Variants in KCNQ3 observed in about 807,000 individuals in gnomAD.
The protein encoded by KCNQ3 is potassium voltage-gated channel subfamily KQT member 3.
Under a neutral mutation model 92.5 loss-of-function variants are expected in KCNQ3, and 30 were observed. The ratio of observed to expected loss-of-function variants is 0.32; its 90% CI spans 0.24 to 0.44. The LOEUF (loss-of-function observed/expected upper bound fraction) is 0.44, where lower values mean the gene tolerates loss of function less well. Ranked by LOEUF, KCNQ3 falls within the 20% of genes least tolerant of loss-of-function variation. The pLI is 1.00. For missense variants in KCNQ3, 913 were observed against 1,140.3 expected (o/e 0.80, Z 2.87); for synonymous variants, 450 against 468.8 (o/e 0.96, Z 0.52).
At chr8:132,308,664 G>T (rs912978173) in intron 1 of KCNQ3, among the ~76,000 whole-genome samples, 4 of 152,138 alleles carry the variant, frequency 2.6e-5, no homozygotes, top group African/African-American at 9.7e-5. Flanking sequence ...AACCACAAAG[G>T]GTAAGACTTG....
intron 1 of KCNQ3, among the ~76,000 whole-genome samples, chr8:132,281,165 A>G (rs1816500215): frequency 1.3e-5 from 2 of 152,164 alleles, no homozygotes; most frequent in South Asian, 4.1e-4. Context: ...TCCTGGACCA[A>G]TTTGGAAACA....
rs540461298 is a variant in KCNQ3, at chr8:132,214,615, T to C, written c.387-28434A>G. 1.3e-4 allele frequency among the ~76,000 whole-genome samples: 20 copies of C among 152,060 alleles called. No homozygotes were observed. In the South Asian group the frequency reaches 4.0e-3, roughly 30 times the overall value. ...ATTGGTAGCACTTGCAAAGCACAGA[T>C]TTAGGAGAATTCCTTTTTCAAAGCG... On this transcript the variant is annotated intron_variant, in intron 1 of 14. Coordinates refer to ENST00000388996, the MANE Select transcript of KCNQ3 (RefSeq NM_004519.4).
At chr8:132,132,339 C>A in intron 13 of KCNQ3, 75 bp from the exon 14 acceptor site, 1 of 1,130,446 alleles carries the variant, frequency 8.8e-7, no homozygotes, top group Non-Finnish European at 1.3e-6. Context: ...GCTAGGCAGG[C>A]CATGGCCAAC....
rs1194091911 is a variant in KCNQ3 at position 132,480,786 on chromosome 8, G to A, written c.-254C>T. 1.1e-5 allele frequency: 2 copies of A among 185,528 alleles called. No homozygotes were observed. The highest frequency in any genetic ancestry group is 6.5e-5 in the Admixed American group (1 of 15,296). The allele number at this position is 185,528 out of a possible 1,614,324, so 11.5% of individuals were successfully genotyped here. On this transcript the variant is annotated 5_prime_UTR_variant, in exon 1 of 15. Transcript: ENST00000388996. The stretch of plus-strand genomic sequence containing the variant: ...CGCAGGACCCCGAGGGTCGCGGGCC[G>A]GGGGCTGCGGAGAAGCTGGGAGGGC...
At chr8:132,253,764 C>A (rs1237949759) in intron 1 of KCNQ3, among the ~76,000 whole-genome samples, 3 of 152,248 alleles carry the variant, frequency 2.0e-5, no homozygotes, top group African/African-American at 7.2e-5. Flanking sequence ...ACTAATAGCA[C>A]ACAGCACTCA....
intron 1 of KCNQ3, among the ~76,000 whole-genome samples, chr8:132,477,055 T>G (rs535048346): frequency 4.6e-5 from 7 of 152,148 alleles, no homozygotes; most frequent in Admixed American, 4.6e-4. Context: ...CCTGCCACCA[T>G]GTAAGATGTG....
intron 1 of KCNQ3, chr8:132,186,662 C>A: frequency 3.4e-6 from 1 of 297,206 alleles, no homozygotes. Flanking sequence ...CTTCTGTGAC[C>A]AAGTATGAAT....
At chr8:132,250,879 G>T (rs765986154) in intron 1 of KCNQ3, among the ~76,000 whole-genome samples, 1 of 152,198 alleles carries the variant, frequency 6.6e-6, no homozygotes, top group Non-Finnish European at 1.5e-5. Flanking sequence ...AAACTGTATT[G>T]AGGAAGGATT....
intron 1 of KCNQ3, among the ~76,000 whole-genome samples, chr8:132,362,248 G>A (rs1349422005): frequency 6.6e-6 from 1 of 152,018 alleles, no homozygotes; most frequent in Non-Finnish European, 1.5e-5. Flanking sequence ...AACTCAAAAT[G>A]TAACCTTTCT....
chr8:132,313,015 T>C (rs1817639583), intron 1 of KCNQ3, among the ~76,000 whole-genome samples: 1 of 152,232 alleles, frequency 6.6e-6, no homozygotes, highest in Non-Finnish European at 1.5e-5. Flanking sequence ...CTCAGCATTA[T>C]GCACATCAAC....
chr8:132,450,914 GA>G (rs1821804806), intron 1 of KCNQ3, among the ~76,000 whole-genome samples: 1 of 152,248 alleles, frequency 6.6e-6, no homozygotes, highest in Non-Finnish European at 1.5e-5. Flanking sequence ...GGGTTGATTA[GA>G]AAGCTCTTTC....
chr8:132,299,474 G>A (rs190000100), intron 1 of KCNQ3, among the ~76,000 whole-genome samples: 100 of 152,240 alleles, frequency 6.6e-4, no homozygotes, highest in African/African-American at 2.2e-3. Context: ...TGAGACCCAC[G>A]GGGGATGTTT....
At chr8:132,150,605 A>G (rs547831248) in intron 9 of KCNQ3, among the ~76,000 whole-genome samples, 1 of 152,174 alleles carries the variant, frequency 6.6e-6, no homozygotes, top group East Asian at 1.9e-4. Flanking sequence ...CTTTTCTTGG[A>G]CCTTGTTTTG....
At chr8:132,143,141 C>T (rs992054898) in intron 9 of KCNQ3, among the ~76,000 whole-genome samples, 1 of 152,138 alleles carries the variant, frequency 6.6e-6, no homozygotes, top group Admixed American at 6.5e-5. Context: ...ACTGTTCCAG[C>T]AGTTTGATTG....
intron 1 of KCNQ3, among the ~76,000 whole-genome samples, chr8:132,329,844 C>T (rs1048792774): frequency 7.9e-5 from 12 of 152,210 alleles, no homozygotes; most frequent in Admixed American, 7.8e-4. Flanking sequence ...CATGGTTGTG[C>T]AAGGTGTGCC....
intron 1 of KCNQ3, among the ~76,000 whole-genome samples, chr8:132,463,945 G>A (rs1356005491): frequency 1.3e-5 from 2 of 152,192 alleles, no homozygotes; most frequent in Non-Finnish European, 2.9e-5. Context: ...AGCACTTTGG[G>A]AGGCTGAGGC....
intron 12 of KCNQ3, among the ~76,000 whole-genome samples, chr8:132,135,848 G>C (rs1825065294): frequency 6.6e-6 from 1 of 152,054 alleles, no homozygotes; most frequent in Non-Finnish European, 1.5e-5. Flanking sequence ...AGAAAGGCCT[G>C]CTGGGTGCAG....
chr8:132,214,990 G>T, intron 1 of KCNQ3, among the ~76,000 whole-genome samples: 1 of 152,232 alleles, frequency 6.6e-6, no homozygotes, highest in East Asian at 1.9e-4. Context: ...TCCTTTCTGG[G>T]ACATGTGATC....
chr8:132,480,017 G>A (rs189924566), intron 1 of KCNQ3, 130 bp downstream of exon 1: 10 of 815,576 alleles, frequency 1.2e-5, no homozygotes, highest in African/African-American at 3.4e-5. Context: ...TGCTGAGGAC[G>A]GGCTGGTCTC....
Sources: allele counts gnomAD v4.1 joint callset (sites outside exome capture counted in the v4.1 genomes callset), GRCh38; gene constraint gnomAD v4.1.1; transcripts MANE v1.5; gene names NCBI Gene and HGNC (gene_info 2026-07-23, HGNC 2026-07-21).